Variants in XKR9 observed in about 807,000 individuals in gnomAD.
The protein encoded by XKR9 is XK related 9.
A neutral mutation model predicts 32.0 loss-of-function variants in XKR9; 32 were observed. The ratio of observed to expected loss-of-function variants is 1.00; its 90% CI spans 0.76 to 1.34. XKR9 has a LOEUF of 1.34. Ranked by LOEUF, XKR9 falls within the 40% of genes most tolerant of loss-of-function variation. XKR9 has a pLI of 0.00. For synonymous variants in XKR9, 168 were observed against 143.4 expected, an observed-to-expected ratio of 1.17 and a Z score of -1.22; for missense variants, 546 against 429.7, an observed-to-expected ratio of 1.27 and a Z score of -2.39.
At chr8:70,860,733 A>G in the XKR9 span, among the ~76,000 whole-genome samples, 9 of 151,196 alleles carry the variant, frequency 6.0e-5, no homozygotes, top group Admixed American at 4.6e-4. Context: ...ATGTTACCCA[A>G]TTTCTGGGGA....
intron 2 of XKR9, among the ~76,000 whole-genome samples, chr8:70,776,549 C>T (rs900768910): frequency 2.4e-4 from 36 of 151,992 alleles, no homozygotes; most frequent in African/African-American, 8.0e-4. Context: ...CTATAAGACT[C>T]TGAATGCTGT....
At chr8:70,987,679 T>C in the XKR9 span, among the ~76,000 whole-genome samples, 2 of 152,162 alleles carry the variant, frequency 1.3e-5, no homozygotes, top group Non-Finnish European at 2.9e-5. Context: ...GGATCTACCA[T>C]TCTGGGGTCT....
the XKR9 span, among the ~76,000 whole-genome samples, chr8:70,835,617 A>G: frequency 6.6e-6 from 1 of 152,094 alleles, no homozygotes; most frequent in Non-Finnish European, 1.5e-5. Flanking sequence ...AAAAGATCAC[A>G]CTAAAGCCTA....
chr8:70,847,063 C>T, the XKR9 span, among the ~76,000 whole-genome samples: 1 of 152,006 alleles, frequency 6.6e-6, no homozygotes. Context: ...ACACATAAAA[C>T]ATTCTCCAGG....
At chr8:70,939,822 C>T in the XKR9 span, among the ~76,000 whole-genome samples, 3 of 152,062 alleles carry the variant, frequency 2.0e-5, no homozygotes, top group African/African-American at 7.2e-5. Context: ...AAGGGAAATA[C>T]CATGCAACAA....
the XKR9 span, among the ~76,000 whole-genome samples, chr8:70,993,601 T>TCTTCCTTCCTTCCTTCCTTC: frequency 9.5e-6 from 1 of 105,122 alleles, no homozygotes; most frequent in Non-Finnish European, 2.2e-5. Context: ...TCATAGGACA[T>TCTTCCTTCCTTCCTTCCTTC]CTTCCTTCCT....
At chr8:70,871,985 C>G in the XKR9 span, among the ~76,000 whole-genome samples, 1 of 152,140 alleles carries the variant, frequency 6.6e-6, no homozygotes, top group Non-Finnish European at 1.5e-5. Context: ...TTCCAAACTT[C>G]CAAATTTTGC....
chr8:70,962,455 G>C, the XKR9 span, among the ~76,000 whole-genome samples: 5 of 152,126 alleles, frequency 3.3e-5, no homozygotes, highest in Admixed American at 1.3e-4. Flanking sequence ...GTGAGAACAT[G>C]CGGTATTTGG....
At chr8:70,995,875 A>C in the XKR9 span, among the ~76,000 whole-genome samples, 1 of 152,014 alleles carries the variant, frequency 6.6e-6, no homozygotes, top group African/African-American at 2.4e-5. Flanking sequence ...TTCTTCACCC[A>C]ATTCACATTT....
At chr8:70,753,451 A>G (rs1188279509) in intron 2 of XKR9, among the ~76,000 whole-genome samples, 2 of 152,190 alleles carry the variant, frequency 1.3e-5, no homozygotes, top group Non-Finnish European at 2.9e-5. Context: ...AGCCTGGCAG[A>G]GACACAACCA....
chr8:70,950,854 A>G, the XKR9 span, among the ~76,000 whole-genome samples: 21 of 152,026 alleles, frequency 1.4e-4, no homozygotes, highest in African/African-American at 5.1e-4. Context: ...TTGAATTTTT[A>G]GTAGAGATGG....
the XKR9 span, among the ~76,000 whole-genome samples, chr8:70,884,578 A>T: frequency 6.6e-6 from 1 of 152,230 alleles, no homozygotes; most frequent in African/African-American, 2.4e-5. Flanking sequence ...TGTCTAGATT[A>T]TTTTTTTAAA....
chr8:71,033,942 A>G, the XKR9 span, among the ~76,000 whole-genome samples: 1 of 152,178 alleles, frequency 6.6e-6, no homozygotes, highest in Non-Finnish European at 1.5e-5. Flanking sequence ...GTATTTTCCA[A>G]AGAAGACAAC....
chr8:70,759,965 C>A (rs1807285637), intron 2 of XKR9, among the ~76,000 whole-genome samples: 1 of 151,978 alleles, frequency 6.6e-6, no homozygotes, highest in African/African-American at 2.4e-5. Flanking sequence ...TTATTTTAAC[C>A]CTTTGAAGGA....
chr8:70,921,518 A>G, the XKR9 span, among the ~76,000 whole-genome samples: 1 of 152,210 alleles, frequency 6.6e-6, no homozygotes, highest in Non-Finnish European at 1.5e-5. Flanking sequence ...TTTTGCAAAA[A>G]TAACTTAATA....
At chr8:71,050,292 G>GATAT in the XKR9 span, among the ~76,000 whole-genome samples, 1 of 71,968 alleles carries the variant, frequency 1.4e-5, no homozygotes, top group African/African-American at 5.4e-5. Flanking sequence ...TATAGATATA[G>GATAT]ATATATATAT....
At chr8:70,839,008 A>C in the XKR9 span, among the ~76,000 whole-genome samples, 1 of 152,058 alleles carries the variant, frequency 6.6e-6, no homozygotes, top group South Asian at 2.1e-4. Flanking sequence ...TATCCTTTTA[A>C]GTTTTGTACC....
Position 70,734,247 on chromosome 8 carries a change from A to T in XKR9, c.945A>T (p.Pro315=). The change falls in exon 5 of 5, where the codon CCA becomes CCT. Residue 315 remains proline, a synonymous_variant. Transcript: ENST00000408926. The part of the protein sequence containing the change: ...FWVCPLTIFN[P]DYFIPISITI... ...TTTGCCCCCTCACTATTTTTAATCCAGACTATTTTATACCTATCAGTATAA... is the reference window on the plus strand; with the variant it reads ...TTTGCCCCCTCACTATTTTTAATCCTGACTATTTTATACCTATCAGTATAA... The T allele has an allele frequency of 6.2e-7, 1 of 1,613,036 alleles. No homozygotes were observed. The highest frequency in any genetic ancestry group is 8.5e-7 in the Non-Finnish European group (1 of 1,179,414).
At position 70,735,618 on chromosome 8, in the gene XKR9, C is replaced by T. The variant is rs1229425067; in HGVS notation, c.*1194C>T. On this transcript the variant is annotated 3_prime_UTR_variant, in exon 5 of 5. Coordinates refer to ENST00000408926, the MANE Select transcript of XKR9 (RefSeq NM_001011720.2). ...CCTAAAGCTATCCCTCCCCCCTCCC[C>T]CCACCCCACAACAGTCCCCAGAGTG... The T allele has an allele frequency of 9.3e-6, 1 of 107,248 alleles. No homozygotes were observed. The highest frequency in any genetic ancestry group is 1.8e-5 in the Non-Finnish European group (1 of 56,546). The allele number at this position is 107,248 out of a possible 1,614,324, so 6.6% of individuals were successfully genotyped here.
Sources: allele counts gnomAD v4.1 joint callset (sites outside exome capture counted in the v4.1 genomes callset), GRCh38; gene constraint gnomAD v4.1.1; transcripts MANE v1.5; gene names NCBI Gene and HGNC (gene_info 2026-07-23, HGNC 2026-07-21).